Variants in GRIA4 observed in about 807,000 individuals in gnomAD.
The protein encoded by GRIA4 is glutamate receptor 4.
Under a neutral mutation model 104.0 loss-of-function variants are expected in GRIA4, and 34 were observed. The observed-to-expected ratio is 0.33, with a 90% CI of 0.25 to 0.44. The LOEUF (loss-of-function observed/expected upper bound fraction) is 0.44. Among genes scored for constraint, GRIA4 ranks in the 20% least tolerant of loss-of-function variants. The probability of loss-of-function intolerance (pLI) is 1.00; values close to 1 mark genes in which losing one functional copy is unlikely to be tolerated. For missense variants in GRIA4, 750 were observed against 1,096.5 expected (o/e 0.68, Z 4.46); for synonymous variants, 386 against 381.9 (o/e 1.01, Z -0.13).
chr11:105,755,119 G>C (rs1940227055), intron 4 of GRIA4, among the ~76,000 whole-genome samples: 2 of 152,208 alleles, frequency 1.3e-5, no homozygotes, highest in African/African-American at 4.8e-5. Context: ...GCCAATGCAA[G>C]AGGTGATGAG....
At chr11:105,685,352 A>G (rs1856271034) in intron 3 of GRIA4, among the ~76,000 whole-genome samples, 1 of 152,188 alleles carries the variant, frequency 6.6e-6, no homozygotes, top group Admixed American at 6.5e-5. Context: ...AATAAAATAC[A>G]AACTTTAAGT....
intron 4 of GRIA4, among the ~76,000 whole-genome samples, chr11:105,789,832 A>G (rs1204533785): frequency 1.3e-5 from 2 of 152,180 alleles, no homozygotes; most frequent in Non-Finnish European, 2.9e-5. Flanking sequence ...GCTCAGGGTG[A>G]CTTTACTGAT....
At chr11:105,910,964 T>G (rs1337206462) in intron 10 of GRIA4, among the ~76,000 whole-genome samples, 1 of 152,138 alleles carries the variant, frequency 6.6e-6, no homozygotes, top group African/African-American at 2.4e-5. Flanking sequence ...GTGTTTAAAA[T>G]TATAATTTTC....
intron 3 of GRIA4, among the ~76,000 whole-genome samples, chr11:105,724,785 A>AT (rs558507190): frequency 1.1e-4 from 17 of 152,166 alleles, no homozygotes; most frequent in Admixed American, 6.6e-4. Flanking sequence ...AAATTTATAA[A>AT]TTTTTTTTAA....
At chr11:105,864,111 G>A (rs1436691657) in intron 5 of GRIA4, among the ~76,000 whole-genome samples, 1 of 152,054 alleles carries the variant, frequency 6.6e-6, no homozygotes. Flanking sequence ...TGCCTCTCAG[G>A]TATAAATCTC....
chr11:105,910,965 T>C (rs1947215384), intron 10 of GRIA4, among the ~76,000 whole-genome samples: 1 of 152,138 alleles, frequency 6.6e-6, no homozygotes, highest in Admixed American at 6.6e-5. Flanking sequence ...TGTTTAAAAT[T>C]ATAATTTTCA....
chr11:105,704,204 A>AAATCATGCAG (rs1953610174), intron 3 of GRIA4, among the ~76,000 whole-genome samples: 1 of 152,110 alleles, frequency 6.6e-6, no homozygotes, highest in African/African-American at 2.4e-5. Context: ...TTATTACTTA[A>AAATCATGCAG]TTTCAGTTGT....
chr11:105,862,076 T>G lies in GRIA4; in HGVS notation c.540T>G (p.His180Gln). 1 of 1,611,786 alleles carries G rather than the reference T, an allele frequency of 6.2e-7. No individual in the cohort carries two copies. Among genetic ancestry groups the G allele is most frequent in the Non-Finnish European group, 8.5e-7 (1 of 1,178,030 alleles). Residue 180 changes from histidine (H) to glutamine (Q), a missense_variant, in exon 5 of 17, where the codon CAT (histidine) becomes CAG (glutamine). Physicochemically the swap from His to Gln is conservative, Grantham distance 24. Coordinates refer to ENST00000282499, the MANE Select transcript of GRIA4 (RefSeq NM_000829.4). ...IMEKAGQNGWHVSAICVENFN... is the reference protein window; with the variant it reads ...IMEKAGQNGWQVSAICVENFN... ...AAAAAGCAGGACAAAATGGTTGGCATGTCAGCGCTATATGTGTGGAAAATT... is the reference window on the plus strand; with the variant it reads ...AAAAAGCAGGACAAAATGGTTGGCAGGTCAGCGCTATATGTGTGGAAAATT...
At chr11:105,813,414 G>C (rs1009715549) in intron 4 of GRIA4, among the ~76,000 whole-genome samples, 1 of 152,142 alleles carries the variant, frequency 6.6e-6, no homozygotes, top group Admixed American at 6.5e-5. Flanking sequence ...GTAAAGTGAA[G>C]AAAATTTCAA....
At chr11:105,929,677 G>A (rs945774444) in intron 13 of GRIA4, among the ~76,000 whole-genome samples, 1 of 152,058 alleles carries the variant, frequency 6.6e-6, no homozygotes, top group African/African-American at 2.4e-5. Flanking sequence ...ACCAAATAAT[G>A]CATTGATGAG....
intron 3 of GRIA4, among the ~76,000 whole-genome samples, chr11:105,634,985 C>T (rs1951165730): frequency 6.6e-6 from 1 of 152,104 alleles, no homozygotes; most frequent in South Asian, 2.1e-4. Context: ...GTCTATGTAA[C>T]TATGATGATA....
At chr11:105,744,716 A>C (rs978501685) in intron 3 of GRIA4, among the ~76,000 whole-genome samples, 1 of 152,152 alleles carries the variant, frequency 6.6e-6, no homozygotes, top group Non-Finnish European at 1.5e-5. Flanking sequence ...TCAGAAAATG[A>C]TGACACTTAG....
At chr11:105,801,609 G>T (rs1942723320) in intron 4 of GRIA4, among the ~76,000 whole-genome samples, 1 of 151,828 alleles carries the variant, frequency 6.6e-6, no homozygotes, top group Admixed American at 6.6e-5. Context: ...TCTTCCAATT[G>T]AAAACTTTGA....
intron 4 of GRIA4, among the ~76,000 whole-genome samples, chr11:105,817,856 G>T: frequency 6.6e-6 from 1 of 152,160 alleles, no homozygotes; most frequent in South Asian, 2.1e-4. Flanking sequence ...CTGTAAGCAC[G>T]ATGAAAAACA....
Position 105,759,348 on chromosome 11 carries a change from A to G in GRIA4, c.487+6128A>G, listed in dbSNP as rs941449032. Among the ~76,000 whole-genome samples the G allele has an allele frequency of 3.9e-5, 6 of 152,262 alleles. No homozygotes were observed. The East Asian group carries it at 1.2e-3, about 29-fold the overall frequency. On this transcript the variant is annotated intron_variant, in intron 4 of 16. Transcript: ENST00000282499. ...TAAATTCATGAAAAAACAAATCAAA[A>G]TATAAATTCGTGATAGCTTATTCTC... is the stretch of plus-strand genomic sequence containing the variant.
chr11:105,921,665 G>A (rs1767948283), intron 11 of GRIA4, among the ~76,000 whole-genome samples: 1 of 152,012 alleles, frequency 6.6e-6, no homozygotes, highest in African/African-American at 2.4e-5. Flanking sequence ...CTCTTCATGT[G>A]TCTTTTTAAG....
chr11:105,954,556 G>T (rs999125430), intron 14 of GRIA4, among the ~76,000 whole-genome samples: 4 of 151,954 alleles, frequency 2.6e-5, no homozygotes, highest in Non-Finnish European at 5.9e-5. Context: ...TTATGTATAT[G>T]TATACTTATA....
chr11:105,813,032 T>G (rs1943239350), intron 4 of GRIA4, among the ~76,000 whole-genome samples: 1 of 140,122 alleles, frequency 7.1e-6, no homozygotes, highest in Non-Finnish European at 1.5e-5. Context: ...AGGCGGAGCT[T>G]GCAGTGAGCC....
At chr11:105,709,003 C>T (rs1279889761) in intron 3 of GRIA4, among the ~76,000 whole-genome samples, 2 of 151,926 alleles carry the variant, frequency 1.3e-5, no homozygotes, top group East Asian at 3.9e-4. Context: ...CACTTGGCAT[C>T]CATTCTCCAA....
Sources: allele counts gnomAD v4.1 joint callset (sites outside exome capture counted in the v4.1 genomes callset), GRCh38; gene constraint gnomAD v4.1.1; transcripts MANE v1.5; gene names NCBI Gene and HGNC (gene_info 2026-07-23, HGNC 2026-07-21).